The following SBF2 variants were observed in gnomAD, a reference collection of about 807,000 sequenced individuals.
SBF2 encodes SET binding factor 2, also known as myotubularin-related protein 13.
SBF2 carries 112 observed loss-of-function variants against 225.2 expected under a neutral mutation model. The observed-to-expected ratio is 0.50, with a 90% CI of 0.43 to 0.58. The LOEUF is 0.58. Among genes scored for constraint, SBF2 ranks in the 20% least tolerant of loss-of-function variants. The pLI is 0.00. For missense variants in SBF2, 1,996 were observed against 2,206.2 expected (o/e 0.90, Z 1.91); for synonymous variants, 763 against 773.3 (o/e 0.99, Z 0.22).
chr11:9,838,359 T>G (rs1252857634), intron 26 of SBF2: 1 of 152,004 alleles, frequency 6.6e-6, no homozygotes, highest in Non-Finnish European at 1.5e-5. Flanking sequence ...ATTGGAATGA[T>G]AAATGAGTCT....
At chr11:9,873,086 G>T (rs1255412745) in intron 17 of SBF2, among the ~76,000 whole-genome samples, 1 of 151,198 alleles carries the variant, frequency 6.6e-6, no homozygotes, top group Non-Finnish European at 1.5e-5. Context: ...CACACCTGTA[G>T]TCCCAGCTAC....
chr11:9,805,851 T>G lies in SBF2; in HGVS notation c.4443+2149A>C, dbSNP rs559766871. On this transcript the variant is annotated intron_variant, in intron 32 of 39. Transcript: ENST00000256190. ...GTTGGCCAGGATGGTTTTGATCTCT[T>G]ACCTCGTGATCCACCCACCTTGGCC... is the stretch of plus-strand genomic sequence containing the variant. 2.1e-4 allele frequency among the ~76,000 whole-genome samples: 32 copies of G among 152,234 alleles called. No homozygotes were observed. In the South Asian group the frequency reaches 3.1e-3, roughly 15 times the overall value.
chr11:10,021,786 T>C (rs1018723087), intron 6 of SBF2, among the ~76,000 whole-genome samples: 1 of 152,186 alleles, frequency 6.6e-6, no homozygotes, highest in African/African-American at 2.4e-5. Flanking sequence ...ACTCTGATAA[T>C]GGCCTAATAT....
At chr11:10,042,544 C>A (rs114219041) in intron 3 of SBF2, among the ~76,000 whole-genome samples, 3 of 152,228 alleles carry the variant, frequency 2.0e-5, no homozygotes, top group African/African-American at 7.2e-5. Flanking sequence ...GAAGGGCTGG[C>A]AGGGAAAATC....
intron 2 of SBF2, among the ~76,000 whole-genome samples, chr11:10,104,601 A>T (rs1316084660): frequency 6.6e-6 from 1 of 152,188 alleles, no homozygotes; most frequent in African/African-American, 2.4e-5. Context: ...AAACTGACCA[A>T]AACAAACTAC....
intron 2 of SBF2, among the ~76,000 whole-genome samples, chr11:10,159,808 T>C: frequency 6.6e-6 from 1 of 151,826 alleles, no homozygotes; most frequent in East Asian, 1.9e-4. Context: ...GAGAATGGCA[T>C]GAACCCGGGA....
intron 2 of SBF2, among the ~76,000 whole-genome samples, chr11:10,089,984 T>C (rs1375103380): frequency 6.6e-6 from 1 of 152,164 alleles, no homozygotes; most frequent in Non-Finnish European, 1.5e-5. Flanking sequence ...AAGCACACAA[T>C]GAAATTTATT....
intron 1 of SBF2, among the ~76,000 whole-genome samples, chr11:10,292,487 C>T (rs1451154160): frequency 6.6e-6 from 1 of 152,032 alleles, no homozygotes; most frequent in African/African-American, 2.4e-5. Flanking sequence ...CAAGACCAGC[C>T]TGGCCAGGAT....
chr11:9,998,417 A>C, intron 8 of SBF2, 38 bp from the exon 9 acceptor site: 1 of 1,131,010 alleles, frequency 8.8e-7, no homozygotes, highest in South Asian at 1.3e-5. Flanking sequence ...AATTACCAAA[A>C]TACATTTGTT....
In SBF2 at chr11:9,978,442, T is replaced by C. The variant is rs540620578; in HGVS notation, c.1396-9897A>G. On this transcript the variant is annotated intron_variant, in intron 13 of 39. Coordinates refer to ENST00000256190, the MANE Select transcript of SBF2 (RefSeq NM_030962.4). ...CTGGCACTAATAAGTACTTAACTAA[T>C]AGAATTTATTAAATTAAATGAAATA... Among the ~76,000 whole-genome samples, 6 of 152,240 alleles carry C rather than the reference T, an allele frequency of 3.9e-5. No individual in the cohort carries two copies. The South Asian group carries it at 1.0e-3, about 26-fold the overall frequency.
At chr11:9,994,143 T>C (rs1048933051) in intron 9 of SBF2, 145 bp from the exon 10 acceptor site, 12 of 722,924 alleles carry the variant, frequency 1.7e-5, no homozygotes, top group African/African-American at 3.5e-5. Flanking sequence ...GTTCTATATG[T>C]ACTATTGTAG....
At chr11:9,891,856 C>T (rs1481961932) in intron 17 of SBF2, among the ~76,000 whole-genome samples, 2 of 152,126 alleles carry the variant, frequency 1.3e-5, no homozygotes, top group Non-Finnish European at 2.9e-5. Flanking sequence ...AGTGGGAAAC[C>T]TTGAACACTC....
intron 2 of SBF2, among the ~76,000 whole-genome samples, chr11:10,072,880 A>C (rs1950947046): frequency 1.3e-5 from 2 of 149,816 alleles, no homozygotes; most frequent in South Asian, 4.3e-4. Flanking sequence ...GCATGACACC[A>C]CATATGGCTA....
At chr11:10,231,944 G>A (rs1958868012) in intron 1 of SBF2, among the ~76,000 whole-genome samples, 1 of 152,240 alleles carries the variant, frequency 6.6e-6, no homozygotes, top group Admixed American at 6.5e-5. Flanking sequence ...CTTGAGCTGT[G>A]GTGGGCTCCA....
chr11:10,022,053 T>C (rs1316004196), intron 6 of SBF2, among the ~76,000 whole-genome samples: 2 of 152,340 alleles, frequency 1.3e-5, no homozygotes, highest in South Asian at 2.1e-4. Context: ...CCAATTATTA[T>C]GTATTCCGGC....
chr11:10,273,065 G>A (rs530677677), intron 1 of SBF2, among the ~76,000 whole-genome samples: 12 of 144,880 alleles, frequency 8.3e-5, no homozygotes, highest in East Asian at 2.0e-4. Context: ...GTGAGACTCC[G>A]TCTCCGAAAA....
chr11:10,208,312 ATGT>A (rs1341920281), intron 1 of SBF2, among the ~76,000 whole-genome samples: 4 of 152,176 alleles, frequency 2.6e-5, no homozygotes, highest in Admixed American at 2.6e-4. Context: ...CAGATAGATT[ATGT>A]TGTTAGGAAA....
At chr11:9,838,475 G>A (rs1009626916) in intron 26 of SBF2, 2 of 152,088 alleles carry the variant, frequency 1.3e-5, no homozygotes, top group Admixed American at 6.6e-5. Flanking sequence ...TTAGAATGAC[G>A]GAGAATTCCA....
chr11:10,207,682 C>T (rs1357431619), intron 1 of SBF2, among the ~76,000 whole-genome samples: 4 of 151,936 alleles, frequency 2.6e-5, no homozygotes, highest in African/African-American at 9.7e-5. Context: ...ATGACCCTAA[C>T]AGATAAGTTT....
Sources: gnomAD v4.1 joint callset for allele counts (sites outside exome capture counted in the v4.1 genomes callset) on GRCh38, gnomAD v4.1.1 for gene constraint, MANE v1.5 for transcripts, NCBI Gene and HGNC (gene_info 2026-07-23, HGNC 2026-07-21) for gene names.